Variants in RAB3IP observed in about 807,000 individuals in gnomAD.
The protein encoded by RAB3IP is RAB3A interacting protein.
RAB3IP carries 36 observed loss-of-function variants against 59.1 expected under a neutral mutation model. The ratio of observed to expected loss-of-function variants is 0.61; its 90% CI spans 0.47 to 0.80. RAB3IP has a LOEUF of 0.80. Among genes scored for constraint, RAB3IP ranks in the 30% least tolerant of loss-of-function variants. RAB3IP has a pLI of 0.00. For synonymous variants in RAB3IP, 207 were observed against 191.2 expected, an observed-to-expected ratio of 1.08 and a Z score of -0.68; for missense variants, 511 against 536.0, an observed-to-expected ratio of 0.95 and a Z score of 0.46.
At chr12:69,787,396 T>A (rs56345711) in intron 4 of RAB3IP, among the ~76,000 whole-genome samples, 16,171 of 152,202 alleles carry the variant, frequency 0.11, 1,184 homozygotes, top group Non-Finnish European at 0.16. Context: ...CCAGTTTTAG[T>A]AAATGTTTAT....
At chr12:69,796,567 T>C in intron 6 of RAB3IP, 1 of 514,246 alleles carries the variant, frequency 1.9e-6, no homozygotes, top group Non-Finnish European at 3.5e-6. Context: ...AGCCAGGAGT[T>C]TATTAAATGG....
intron 3 of RAB3IP, among the ~76,000 whole-genome samples, chr12:69,761,358 G>A (rs1348784666): frequency 6.6e-6 from 1 of 152,068 alleles, no homozygotes; most frequent in South Asian, 2.1e-4. Context: ...CAGATCTGGG[G>A]TGCACATTTT....
At chr12:69,780,983 T>C (rs1874603019) in intron 3 of RAB3IP, among the ~76,000 whole-genome samples, 1 of 152,216 alleles carries the variant, frequency 6.6e-6, no homozygotes, top group Non-Finnish European at 1.5e-5. Context: ...ACAAGTATTA[T>C]CTTAATGCCA....
chr12:69,753,194 G>A (rs959181791), intron 1 of RAB3IP, among the ~76,000 whole-genome samples: 3 of 152,162 alleles, frequency 2.0e-5, no homozygotes, highest in Non-Finnish European at 2.9e-5. Context: ...AAATGATACT[G>A]AGTCAGATCT....
At position 69,815,577 on chromosome 12, in the gene RAB3IP, A is replaced by G; in HGVS notation, c.*131A>G. 1.6e-6 allele frequency: 1 copy of G among 616,270 alleles called. No homozygotes were observed. The highest frequency in any genetic ancestry group is 2.8e-5 in the Admixed American group (1 of 35,198). 38.2% of individuals were successfully genotyped at this position (616,270 alleles called of 1,614,324 possible). A position where few individuals can be genotyped will look rare whatever the true frequency, so the allele number is the denominator to read the frequency against. ...TTCCCCTTTTGCAAATTGCTCTAAG[A>G]AGTACCATGATTTCTTTTAAACTGA... On this transcript the variant is annotated 3_prime_UTR_variant, in exon 11 of 11. Transcript: ENST00000247833.
chr12:69,782,311 C>T (rs904573829), intron 3 of RAB3IP, among the ~76,000 whole-genome samples: 20 of 152,260 alleles, frequency 1.3e-4, no homozygotes, highest in African/African-American at 4.6e-4. Context: ...ATTACAGGCA[C>T]GCGCCACCAT....
At chr12:69,756,280 A>G (rs764712579) in intron 2 of RAB3IP, 125 bp from the exon 3 acceptor site, 3 of 911,596 alleles carry the variant, frequency 3.3e-6, no homozygotes, top group Non-Finnish European at 5.0e-6. Context: ...ATGACTGAGG[A>G]CATACTATTT....
At chr12:69,767,542 T>C (rs1051595485) in intron 3 of RAB3IP, among the ~76,000 whole-genome samples, 1 of 152,198 alleles carries the variant, frequency 6.6e-6, no homozygotes, top group Non-Finnish European at 1.5e-5. Context: ...TACCCAGAAG[T>C]GTGCCTAGGC....
At chr12:69,773,004 T>G (rs1391230860) in intron 3 of RAB3IP, among the ~76,000 whole-genome samples, 3 of 152,174 alleles carry the variant, frequency 2.0e-5, no homozygotes, top group Non-Finnish European at 4.4e-5. Context: ...TTCCTTCAGC[T>G]TTTGTTTTTC....
intron 3 of RAB3IP, among the ~76,000 whole-genome samples, chr12:69,757,126 C>T (rs1452472274): frequency 6.6e-6 from 1 of 152,154 alleles, no homozygotes; most frequent in Non-Finnish European, 1.5e-5. Flanking sequence ...CCCATTTGGT[C>T]ATTTTAAAAG....
At chr12:69,754,114 A>T (rs78138993) in intron 1 of RAB3IP, among the ~76,000 whole-genome samples, 1 of 152,262 alleles carries the variant, frequency 6.6e-6, no homozygotes, top group Admixed American at 6.5e-5. Context: ...TCCCCATTCT[A>T]ATCTCATCAG....
At chr12:69,796,824 T>C (rs186530881) in intron 6 of RAB3IP, among the ~76,000 whole-genome samples, 167 of 152,376 alleles carry the variant, frequency 1.1e-3, no homozygotes, top group African/African-American at 3.9e-3. Context: ...TTACTCAGTA[T>C]GTGTAAGTAA....
chr12:69,810,348 G>A (rs938380984), intron 8 of RAB3IP, among the ~76,000 whole-genome samples: 3 of 152,172 alleles, frequency 2.0e-5, no homozygotes, highest in African/African-American at 7.2e-5. Flanking sequence ...GGGGGTCAGG[G>A]AGCCACTTGA....
intron 4 of RAB3IP, among the ~76,000 whole-genome samples, chr12:69,787,751 C>T (rs1875927148): frequency 6.6e-6 from 1 of 151,876 alleles, no homozygotes. Context: ...GATCCTGTAC[C>T]TGATCAGTAC....
At chr12:69,747,400 G>A (rs963357277) in intron 1 of RAB3IP, among the ~76,000 whole-genome samples, 1 of 150,064 alleles carries the variant, frequency 6.7e-6, no homozygotes, top group Non-Finnish European at 1.5e-5. Context: ...ATCACAGTTC[G>A]CTATAGCCTC....
Position 69,779,816 on chromosome 12 carries a change from A to G in RAB3IP, c.511-4904A>G, listed in dbSNP as rs143996485. Among the ~76,000 whole-genome samples the G allele has an allele frequency of 4.4e-3, 676 of 152,206 alleles. 5 individuals carry two copies. The highest frequency in any genetic ancestry group is 0.016 in the African/African-American group (654 of 41,522). ...TGATTTTTATTCTGACAGATCACAC[A>G]TCTCCATCTTTTTAGGGTCTGTTAT... On this transcript the variant is annotated intron_variant, in intron 3 of 10. Transcript: ENST00000247833.
rs1881198802 is a variant in RAB3IP at position 69,817,001 on chromosome 12, G to A, written c.*1555G>A. ...CCTACAATTTTATGTTCTGAAAATA[G>A]TTATTCTAATGTGAGGGCATTAATA... On this transcript the variant is annotated 3_prime_UTR_variant, in exon 11 of 11. Coordinates refer to ENST00000247833, the MANE Select transcript of RAB3IP (RefSeq NM_022456.5). 1 of 152,188 alleles carries A rather than the reference G, an allele frequency of 6.6e-6. No homozygotes were observed. The highest frequency in any genetic ancestry group is 2.4e-5 in the African/African-American group (1 of 41,446). The allele number at this position is 152,188 out of a possible 1,614,324, so 9.4% of individuals were successfully genotyped here.
chr12:69,741,744 T>C (rs972291189), intron 1 of RAB3IP, among the ~76,000 whole-genome samples: 1 of 152,238 alleles, frequency 6.6e-6, no homozygotes. Context: ...GTCAGACAGT[T>C]TGTCTTCCAT....
intron 3 of RAB3IP, among the ~76,000 whole-genome samples, chr12:69,783,600 A>G (rs1213965007): frequency 6.6e-6 from 1 of 152,202 alleles, no homozygotes; most frequent in Non-Finnish European, 1.5e-5. Flanking sequence ...CTGACTATAC[A>G]GGTTTTTGCA....
Sources: gnomAD v4.1 joint callset for allele counts (sites outside exome capture counted in the v4.1 genomes callset) on GRCh38, gnomAD v4.1.1 for gene constraint, MANE v1.5 for transcripts, NCBI Gene and HGNC (gene_info 2026-07-23, HGNC 2026-07-21) for gene names.